Variants in PHKG1 observed in about 807,000 individuals in gnomAD.
PHKG1 encodes the protein phosphorylase b kinase gamma catalytic chain, skeletal muscle/heart isoform.
Under a neutral mutation model 50.5 loss-of-function variants are expected in PHKG1, and 48 were observed. That is an observed-to-expected ratio of 0.95 (90% confidence interval 0.75 to 1.21). The LOEUF (loss-of-function observed/expected upper bound fraction) is 1.21. PHKG1 is among the 50% of genes most tolerant of loss of function. The probability of loss-of-function intolerance (pLI) is 0.00; values close to 1 mark genes in which losing one functional copy is unlikely to be tolerated. For missense variants in PHKG1, 487 were observed against 519.5 expected (o/e 0.94, Z 0.61); for synonymous variants, 204 against 212.8 (o/e 0.96, Z 0.36).
intron 6 of PHKG1, 90 bp downstream of exon 6, chr7:56,083,188 G>A: frequency 1.7e-6 from 2 of 1,164,540 alleles, no homozygotes; most frequent in South Asian, 1.4e-5. Flanking sequence ...GAACAATTAA[G>A]TTAGGGGAGA....
chr7:56,081,344 C>A lies in PHKG1; in HGVS notation c.919-45G>T. The A allele has an allele frequency of 6.4e-7, 1 of 1,563,986 alleles. No homozygotes were observed. Among genetic ancestry groups the A allele is most frequent in the Non-Finnish European group, 8.6e-7 (1 of 1,161,874 alleles). Reference sequence around the variant, plus strand: ...AGCTGGGCTGCAGCCCCCGCCCTGCCAGGCCCTGCCCCTCCAGCACAGGGA... The same window carrying A: ...AGCTGGGCTGCAGCCCCCGCCCTGCAAGGCCCTGCCCCTCCAGCACAGGGA... On this transcript the variant is annotated intron_variant, in intron 9 of 9. Transcript: ENST00000297373. The surrounding 1 kb of genome is among the most constrained non-coding windows in gnomAD (Gnocchi z 4.6).
chr7:56,089,261 G>A (rs1056081485), intron 1 of PHKG1, among the ~76,000 whole-genome samples: 1 of 151,900 alleles, frequency 6.6e-6, no homozygotes, highest in Non-Finnish European at 1.5e-5. Flanking sequence ...TTAGCCGGAT[G>A]TGGTGGCACA....
chr7:56,090,348 G>A (rs945379104), intron 1 of PHKG1, among the ~76,000 whole-genome samples: 1 of 151,632 alleles, frequency 6.6e-6, no homozygotes. Flanking sequence ...ACTCCTGACT[G>A]CAAATGATCC....
At chr7:56,085,835 A>T (rs549281024) in intron 4 of PHKG1, among the ~76,000 whole-genome samples, 2 of 152,026 alleles carry the variant, frequency 1.3e-5, no homozygotes, top group African/African-American at 2.4e-5. Context: ...TTTGCTGGGC[A>T]TGGTGGTGGG....
rs375748758 is a variant in PHKG1, at chr7:56,083,344, T to G, written c.481A>C (p.Asn161His). Reference sequence around the variant, plus strand: ...AAGTCTGTGAGCTTGATGTTCATGTTGTCATCCAAGAGAATGTTCTCGGGC... The same window carrying G: ...AAGTCTGTGAGCTTGATGTTCATGTGGTCATCCAAGAGAATGTTCTCGGGC... ...LKPENILLDDNMNIKLTDFGF... is the reference protein window; with the variant it reads ...LKPENILLDDHMNIKLTDFGF... The change falls in exon 6 of 10, where the codon AAC becomes CAC. Residue 161 changes from asparagine (N) to histidine (H), a missense_variant. Asn to His is a moderately conservative substitution (Grantham distance 68). Transcript: ENST00000297373. 2 of 1,614,178 alleles carry G rather than the reference T, an allele frequency of 1.2e-6. No homozygotes were observed. The highest frequency in any genetic ancestry group is 2.2e-5 in the South Asian group (2 of 91,078).
intron 4 of PHKG1, among the ~76,000 whole-genome samples, chr7:56,086,517 T>G (rs560990487): frequency 6.6e-6 from 1 of 152,228 alleles, no homozygotes; most frequent in South Asian, 2.1e-4. Context: ...AGATGGAGTT[T>G]CGCTCTCGTA....
Position 56,087,605 on chromosome 7 carries a change from G to A in PHKG1, c.255C>T (p.Pro85=), listed in dbSNP as rs1325037379. Reference sequence around the variant, plus strand: ...CTTGGGGCCATCACTCACTGATGTTGGGGTGCCCTGAGACCTTGCGCAGGA... The same window carrying A: ...CTTGGGGCCATCACTCACTGATGTTAGGGTGCCCTGAGACCTTGCGCAGGA... The part of the protein sequence containing the change: ...VDILRKVSGH[P]NIIQLKDTYE... The change falls in exon 3 of 10, where the codon CCC becomes CCT. Residue 85 remains proline (P), a synonymous_variant. Transcript: ENST00000297373. 6.2e-7 allele frequency: 1 copy of A among 1,612,944 alleles called. No homozygotes were observed. The highest frequency in any genetic ancestry group is 8.5e-7 in the Non-Finnish European group (1 of 1,179,446).
intron 4 of PHKG1, among the ~76,000 whole-genome samples, chr7:56,083,960 G>C (rs1005435930): frequency 4.6e-5 from 7 of 152,158 alleles, no homozygotes; most frequent in Admixed American, 4.6e-4. Context: ...AACCCTCCGA[G>C]GAATAGGCCT....
At chr7:56,084,960 C>A (rs528627081) in intron 4 of PHKG1, among the ~76,000 whole-genome samples, 2 of 152,034 alleles carry the variant, frequency 1.3e-5, no homozygotes, top group East Asian at 3.9e-4. Context: ...ACAGCTGCAG[C>A]TGGTGAGTCT....
In PHKG1 at chr7:56,081,101, T is replaced by C. The variant is rs1475433183; in HGVS notation, c.1117A>G (p.Asn373Asp). ...QQQNRAALFENTPKAVLLSLA... is the reference protein window; with the variant it reads ...QQQNRAALFEDTPKAVLLSLA... ...GAGAGGAGCACGGCCTTGGGTGTGT[T>C]CTCGAAAAGGGCTGCCCGGTTCTGC... Residue 373 changes from asparagine to aspartate, a missense_variant, in exon 10 of 10, where the codon AAC becomes GAC. Physicochemically the swap from Asn to Asp is conservative, Grantham distance 23. Transcript: ENST00000297373. This position sits in a 1 kb window ranked among gnomAD's most constrained non-coding sequence, Gnocchi z 4.6. 6.2e-7 allele frequency: 1 copy of C among 1,613,376 alleles called. No homozygotes were observed. The highest frequency in any genetic ancestry group is 8.5e-7 in the Non-Finnish European group (1 of 1,179,866).
intron 1 of PHKG1, among the ~76,000 whole-genome samples, chr7:56,089,467 G>A (rs1447940085): frequency 6.7e-6 from 1 of 148,652 alleles, no homozygotes; most frequent in Non-Finnish European, 1.5e-5. Context: ...AGAGTGCAGT[G>A]GTACGATTAT....
chr7:56,084,349 C>A, intron 4 of PHKG1: 5 of 583,654 alleles, frequency 8.6e-6, no homozygotes, highest in East Asian at 3.2e-5. Context: ...AGACCCAGAT[C>A]AGAAGGACGT....
In PHKG1 at chr7:56,081,867, A is replaced by C. The variant is rs1035982932; in HGVS notation, c.792+26T>G. The C allele has an allele frequency of 6.2e-7, 1 of 1,612,372 alleles. No individual in the cohort carries two copies. Among genetic ancestry groups the C allele is most frequent in the African/African-American group, 1.3e-5 (1 of 74,912 alleles). On this transcript the variant is annotated intron_variant, in intron 8 of 9. Coordinates refer to ENST00000297373, the MANE Select transcript of PHKG1 (RefSeq NM_006213.5). This position sits in a 1 kb window ranked among gnomAD's most constrained non-coding sequence, Gnocchi z 4.6. ...CGCCTGGCATCGCAGCCCTGAGCCC[A>C]GGAGCCAGTTGGCCTGGCCTCTCAC... is the stretch of plus-strand genomic sequence containing the variant.
At chr7:56,089,014 C>A in intron 1 of PHKG1, 39 bp from the exon 2 acceptor site, 1 of 991,318 alleles carries the variant, frequency 1.0e-6, no homozygotes, top group South Asian at 1.3e-5. Flanking sequence ...GCCTTCCTGA[C>A]CCAGGGGCTG....
intron 1 of PHKG1, among the ~76,000 whole-genome samples, chr7:56,092,284 CT>C (rs940841916): frequency 1.3e-5 from 2 of 152,062 alleles, no homozygotes; most frequent in African/African-American, 4.8e-5. Context: ...TGGCCCAGTC[CT>C]TTTTTTAGAC....
chr7:56,092,815 A>G (rs1796539584), intron 1 of PHKG1, 21 bp downstream of exon 1: 1 of 152,194 alleles, frequency 6.6e-6, no homozygotes, highest in Admixed American at 6.6e-5. Context: ...GCTTTTGTCC[A>G]TCACTGGGCT....
chr7:56,085,212 C>T (rs1457317576), intron 4 of PHKG1, among the ~76,000 whole-genome samples: 1 of 152,146 alleles, frequency 6.6e-6, no homozygotes. Flanking sequence ...CCGCCTGCCT[C>T]AGCCTCCCAA....
Position 56,088,945 on chromosome 7 carries a change from C to T in PHKG1, c.-4G>A. ...GCAGTGCCTCGTCCCGGGTCATGCT[C>T]AGATCTTCAGTGAGGGAACTCTGGG... On this transcript the variant is annotated 5_prime_UTR_variant, in exon 2 of 10. It removes the in-frame stop codon of an upstream open reading frame in the 5' UTR. Transcript: ENST00000297373. 9 of 1,608,826 alleles carry T rather than the reference C, an allele frequency of 5.6e-6. No homozygotes were observed. Among genetic ancestry groups the T allele is most frequent in the East Asian group, 2.2e-5 (1 of 44,848 alleles).
intron 2 of PHKG1, 143 bp downstream of exon 2, chr7:56,088,716 C>G: frequency 1.7e-6 from 1 of 605,324 alleles, no homozygotes; most frequent in South Asian, 2.1e-5. Context: ...GAGGGCAGGA[C>G]CCCAAACAAA....
Sources: gnomAD v4.1 joint callset for allele counts (sites outside exome capture counted in the v4.1 genomes callset) on GRCh38, gnomAD v4.1.1 for gene constraint, Gnocchi (gnomAD v3.1) non-coding constraint, MANE v1.5 for transcripts, NCBI Gene and HGNC (gene_info 2026-07-23, HGNC 2026-07-21) for gene names.